The following PSKH1 variants were observed in gnomAD, a reference collection of about 807,000 sequenced individuals.
The protein encoded by PSKH1 is serine/threonine-protein kinase H1.
Under a neutral mutation model 26.7 loss-of-function variants are expected in PSKH1, and 12 were observed. The ratio of observed to expected loss-of-function variants is 0.45; its 90% CI spans 0.29 to 0.73. PSKH1 has a LOEUF of 0.73. Among genes scored for constraint, PSKH1 ranks in the 30% least tolerant of loss-of-function variants. PSKH1 has a pLI of 0.11. For synonymous variants in PSKH1, 213 were observed against 234.3 expected (o/e 0.91, Z 0.83); for missense variants, 431 against 595.2 (o/e 0.72, Z 2.87).
chr16:67,925,008 T>C (rs1229997930), intron 2 of PSKH1, among the ~76,000 whole-genome samples: 1 of 152,078 alleles, frequency 6.6e-6, no homozygotes, highest in Non-Finnish European at 1.5e-5. Flanking sequence ...TCTTACCATC[T>C]TTCCCAGGGT....
intron 1 of PSKH1, among the ~76,000 whole-genome samples, chr16:67,903,426 A>G (rs1258834833): frequency 2.0e-5 from 3 of 152,144 alleles, no homozygotes; most frequent in African/African-American, 7.2e-5. Flanking sequence ...TGCTGGGATT[A>G]CAGGCATGAG....
chr16:67,914,622 T>G (rs2058181947), intron 2 of PSKH1, among the ~76,000 whole-genome samples: 2 of 152,088 alleles, frequency 1.3e-5, no homozygotes, highest in South Asian at 4.1e-4. Flanking sequence ...GCCCGGCTAA[T>G]TTTTGTATTT....
intron 1 of PSKH1, among the ~76,000 whole-genome samples, chr16:67,905,685 T>C (rs2058154140): frequency 6.6e-6 from 1 of 151,960 alleles, no homozygotes; most frequent in Non-Finnish European, 1.5e-5. Context: ...CATGAAACCC[T>C]TTCTCTCTAC....
chr16:67,909,394 A>G lies in PSKH1; in HGVS notation c.645A>G (p.Thr215=). 6.2e-7 allele frequency: 1 copy of G among 1,613,444 alleles called. No individual in the cohort carries two copies. The highest frequency in any genetic ancestry group is 8.5e-7 in the Non-Finnish European group (1 of 1,179,926). The change falls in exon 2 of 3, where the codon ACA becomes ACG. Residue 215 remains threonine (T), a synonymous_variant. Transcript: ENST00000291041. This position sits in a 1 kb window ranked among gnomAD's most constrained non-coding sequence, Gnocchi z 7.8. ...GGTATCTGCATGCACTGGGCATCACACACCGAGACCTCAAACCTGAGAATC... is the reference window on the plus strand; with the variant it reads ...GGTATCTGCATGCACTGGGCATCACGCACCGAGACCTCAAACCTGAGAATC... The part of the protein sequence containing the change: ...GVRYLHALGI[T]HRDLKPENLL...
chr16:67,925,403 A>G (rs1327008308), intron 2 of PSKH1, among the ~76,000 whole-genome samples: 2 of 151,786 alleles, frequency 1.3e-5, no homozygotes, highest in Non-Finnish European at 2.9e-5. Context: ...CATGTTGGCC[A>G]GGATGGTCTT....
Position 67,927,813 on chromosome 16 carries a change from C to G in PSKH1, c.*171C>G. 2.5e-6 allele frequency: 2 copies of G among 805,274 alleles called. No homozygotes were observed. Among genetic ancestry groups the G allele is most frequent in the Non-Finnish European group, 3.8e-6 (2 of 524,462 alleles). The allele number at this position is 805,274 out of a possible 1,614,324, so 49.9% of individuals were successfully genotyped here. A position where few individuals can be genotyped will look rare whatever the true frequency, so the allele number is the denominator to read the frequency against. On this transcript the variant is annotated 3_prime_UTR_variant, in exon 3 of 3. Coordinates refer to ENST00000291041, the MANE Select transcript of PSKH1 (RefSeq NM_006742.3). This position sits in a 1 kb window ranked among gnomAD's most constrained non-coding sequence, Gnocchi z 5.5. ...CAGCAGCCCCTGTCCTCACCATGGG[C>G]CTGGGCCAGGTGTGACAGAGTAGAG...
chr16:67,901,743 T>C (rs2151310663), intron 1 of PSKH1, among the ~76,000 whole-genome samples: 1 of 148,754 alleles, frequency 6.7e-6, no homozygotes. Context: ...CAAGCTATCC[T>C]CCACCTCAGC....
intron 1 of PSKH1, among the ~76,000 whole-genome samples, chr16:67,904,697 G>C (rs1365146591): frequency 6.6e-6 from 1 of 151,910 alleles, no homozygotes; most frequent in Non-Finnish European, 1.5e-5. Context: ...GTCCAGGCTA[G>C]TCTCAAACTC....
At chr16:67,904,752 G>A (rs2058151464) in intron 1 of PSKH1, among the ~76,000 whole-genome samples, 1 of 151,764 alleles carries the variant, frequency 6.6e-6, no homozygotes, top group Non-Finnish European at 1.5e-5. Context: ...AAAGAGCTGG[G>A]ATTACTCCCG....
At chr16:67,896,104 C>CT (rs2058125687) in intron 1 of PSKH1, among the ~76,000 whole-genome samples, 1 of 150,836 alleles carries the variant, frequency 6.6e-6, no homozygotes, top group African/African-American at 2.5e-5. Context: ...GTCTTGTCTT[C>CT]TTTTTTCTTT....
chr16:67,914,885 G>A (rs2058182874), intron 2 of PSKH1, among the ~76,000 whole-genome samples: 1 of 152,178 alleles, frequency 6.6e-6, no homozygotes, highest in Non-Finnish European at 1.5e-5. Context: ...GCCCAGGAGT[G>A]AGGGAGAGAG....
chr16:67,898,014 AT>A (rs990411659), intron 1 of PSKH1, among the ~76,000 whole-genome samples: 5 of 151,750 alleles, frequency 3.3e-5, no homozygotes, highest in African/African-American at 1.2e-4. Flanking sequence ...CGCCCGGCTA[AT>A]TTTTTTTGTA....
At chr16:67,913,016 C>T (rs1032868947) in intron 2 of PSKH1, among the ~76,000 whole-genome samples, 3 of 151,594 alleles carry the variant, frequency 2.0e-5, no homozygotes, top group African/African-American at 7.3e-5. Context: ...AGCGAGACCC[C>T]ATCTCTTAAA....
Position 67,918,794 on chromosome 16 carries a change from G to A in PSKH1, c.958-8531G>A, listed in dbSNP as rs534952846. ...TTTAGTAGAGACGGGGTTTTACCAC[G>A]TTGGCCAGGCTGGTCTGGAACTCCT... On this transcript the variant is annotated intron_variant, in intron 2 of 2. Transcript: ENST00000291041. Among the ~76,000 whole-genome samples the A allele has an allele frequency of 3.9e-5, 6 of 152,054 alleles. No individual in the cohort carries two copies. The South Asian group carries it at 1.0e-3, about 26-fold the overall frequency.
Position 67,924,912 on chromosome 16 carries a change from AGTG to A in PSKH1, c.958-2410_958-2408del, listed in dbSNP as rs1311697384. Among the ~76,000 whole-genome samples the A allele has an allele frequency of 3.3e-5, 5 of 152,176 alleles. No individual in the cohort carries two copies. The South Asian group carries it at 1.0e-3, about 31-fold the overall frequency. ...GTGGTCTGGACTGGCTGCCCCCAGT[AGTG>A]GTTCCTTGTGTTCAGGAGGCAACCA... On this transcript the variant is annotated intron_variant, in intron 2 of 2. Coordinates refer to ENST00000291041, the MANE Select transcript of PSKH1 (RefSeq NM_006742.3).
At position 67,915,192 on chromosome 16, in the gene PSKH1, AGT is replaced by A. The variant is rs1240437404; in HGVS notation, c.957+5488_957+5489del. Among the ~76,000 whole-genome samples, 444 of 144,950 alleles carry A rather than the reference AGT, an allele frequency of 3.1e-3. 4 individuals are homozygous for A. Among genetic ancestry groups the A allele is most frequent in the African/African-American group, 0.011 (399 of 37,144 alleles). The stretch of plus-strand genomic sequence containing the variant: ...GAATGAGTGAGTGAATGAGTGAGTG[AGT>A]GAGAGAGAGAGAGAGTGTGTGTGTG... On this transcript the variant is annotated intron_variant, in intron 2 of 2. Coordinates refer to ENST00000291041, the MANE Select transcript of PSKH1 (RefSeq NM_006742.3).
intron 1 of PSKH1, among the ~76,000 whole-genome samples, chr16:67,907,531 G>GA (rs2058160043): frequency 6.6e-6 from 1 of 152,208 alleles, no homozygotes; most frequent in Non-Finnish European, 1.5e-5. Context: ...AAAGTGATGG[G>GA]ATTACAGGCA....
Position 67,927,638 on chromosome 16 carries a change from G to T in PSKH1, c.1271G>T (p.Gly424Val). 1 of 1,601,474 alleles carries T rather than the reference G, an allele frequency of 6.2e-7. No homozygotes were observed. The highest frequency in any genetic ancestry group is 8.5e-7 in the Non-Finnish European group (1 of 1,177,426). ...CTGCGCTACCAGCAGCAATACAATG[G>T]CTGAGCCGCCTGGCTGTGCACACAT... ...LNLRYQQQYNG is the reference protein window; with the variant it reads ...LNLRYQQQYNV Residue 424 changes from glycine (G) to valine (V), a missense_variant, in exon 3 of 3, where the codon GGC (glycine) becomes GTC (valine). Coordinates refer to ENST00000291041, the MANE Select transcript of PSKH1 (RefSeq NM_006742.3). The surrounding 1 kb of genome is among the most constrained non-coding windows in gnomAD (Gnocchi z 5.5).
At chr16:67,921,788 A>G (rs1257767331) in intron 2 of PSKH1, among the ~76,000 whole-genome samples, 1 of 152,120 alleles carries the variant, frequency 6.6e-6, no homozygotes, top group Non-Finnish European at 1.5e-5. Context: ...AAAGCGAGCA[A>G]ATAGCATCCT....
Sources: allele counts gnomAD v4.1 joint callset (sites outside exome capture counted in the v4.1 genomes callset), GRCh38; gene constraint gnomAD v4.1.1; non-coding constraint Gnocchi (gnomAD v3.1); transcripts MANE v1.5; gene names NCBI Gene and HGNC (gene_info 2026-07-23, HGNC 2026-07-21).